ADAM28: variants seen among roughly 807,000 people sequenced by gnomAD.
ADAM28 encodes the protein disintegrin and metalloproteinase domain-containing protein 28.
Under a neutral mutation model 101.2 loss-of-function variants are expected in ADAM28, and 105 were observed. The observed-to-expected ratio is 1.04, with a 90% CI of 0.89 to 1.22. The LOEUF (loss-of-function observed/expected upper bound fraction) is 1.22, where lower values mean the gene tolerates loss of function less well. Among genes scored for constraint, ADAM28 ranks in the 50% most tolerant of loss-of-function variants. The probability of loss-of-function intolerance (pLI) is 0.00; values close to 1 mark genes in which losing one functional copy is unlikely to be tolerated. For missense variants in ADAM28, 1,028 were observed against 945.4 expected, an observed-to-expected ratio of 1.09 and a Z score of -1.15; for synonymous variants, 322 against 310.6, an observed-to-expected ratio of 1.04 and a Z score of -0.39.
At chr8:24,351,388 C>G (rs1190636684) in intron 20 of ADAM28, 78 bp downstream of exon 20, 2 of 1,381,860 alleles carry the variant, frequency 1.4e-6, no homozygotes, top group African/African-American at 2.8e-5. Context: ...GACTACCTAT[C>G]TATCATTTCT....
At chr8:24,295,917 G>C (rs1807899308) in intron 1 of ADAM28, 1 of 152,166 alleles carries the variant, frequency 6.6e-6, no homozygotes, top group South Asian at 2.1e-4. Context: ...CATCATCAAA[G>C]CAATACATAT....
intron 5 of ADAM28, among the ~76,000 whole-genome samples, chr8:24,312,231 A>G (rs1257806648): frequency 2.0e-5 from 3 of 152,136 alleles, no homozygotes; most frequent in Non-Finnish European, 4.4e-5. Flanking sequence ...GATATCTTAA[A>G]GAAACCTCAA....
At chr8:24,300,880 T>G (rs908581579) in intron 2 of ADAM28, 3 of 152,162 alleles carry the variant, frequency 2.0e-5, no homozygotes, top group Non-Finnish European at 4.4e-5. Flanking sequence ...TAACATGAAA[T>G]TTACCTGTCT....
intron 2 of ADAM28, among the ~76,000 whole-genome samples, chr8:24,305,132 G>C (rs929584172): frequency 2.0e-5 from 3 of 150,972 alleles, no homozygotes; most frequent in African/African-American, 4.9e-5. Flanking sequence ...TGGATTTCTT[G>C]CTACTTAAAA....
Position 24,294,085 on chromosome 8 carries a change from G to A in ADAM28, c.-65G>A. 6.4e-7 allele frequency: 1 copy of A among 1,567,864 alleles called. No individual in the cohort carries two copies. The highest frequency in any genetic ancestry group is 8.8e-7 in the Non-Finnish European group (1 of 1,138,210). On this transcript the variant is annotated 5_prime_UTR_variant, in exon 1 of 23. Transcript: ENST00000265769. The stretch of plus-strand genomic sequence containing the variant: ...TTCTGTCTCACTGGAGAGGAGGCAG[G>A]GACAGACCCAGCAGCACCCACCTGA...
At chr8:24,294,697 ATAAT>A (rs1321953193) in intron 1 of ADAM28, among the ~76,000 whole-genome samples, 4 of 152,238 alleles carry the variant, frequency 2.6e-5, no homozygotes, top group Non-Finnish European at 5.9e-5. Context: ...CTAACTGGAA[ATAAT>A]TAATATTTTT....
intron 22 of ADAM28, 79 bp from the exon 23 acceptor site, chr8:24,354,305 C>T: frequency 8.1e-7 from 1 of 1,234,484 alleles, no homozygotes; most frequent in Non-Finnish European, 1.1e-6. Flanking sequence ...ATTTTAATTT[C>T]TTCATAGTTC....
At chr8:24,308,561 T>C (rs1372815385) in intron 2 of ADAM28, 22 of 453,500 alleles carry the variant, frequency 4.9e-5, no homozygotes, top group Non-Finnish European at 8.4e-5. Flanking sequence ...TCATTCTAGC[T>C]AGGCTTTCTT....
intron 10 of ADAM28, 134 bp from the exon 11 acceptor site, chr8:24,329,847 CTGTG>C (rs148363179): frequency 2.4e-4 from 158 of 670,470 alleles, no homozygotes; most frequent in East Asian, 3.4e-4. Context: ...CTCTCTTGCT[CTGTG>C]TGTGTGTGTG....
intron 18 of ADAM28, among the ~76,000 whole-genome samples, chr8:24,346,223 T>C (rs912132022): frequency 6.6e-6 from 1 of 152,128 alleles, no homozygotes; most frequent in Non-Finnish European, 1.5e-5. Flanking sequence ...ATGTATGGCT[T>C]ATAAACCATA....
At chr8:24,325,994 A>G (rs1477281901) in intron 9 of ADAM28, among the ~76,000 whole-genome samples, 2 of 151,602 alleles carry the variant, frequency 1.3e-5, no homozygotes, top group Admixed American at 6.6e-5. Flanking sequence ...AAAATTACCA[A>G]AGACAAAACA....
rs191663643 is a variant in ADAM28, at chr8:24,302,374, T to A, written c.150+2297T>A. 1.1e-4 allele frequency among the ~76,000 whole-genome samples: 17 copies of A among 152,352 alleles called. 1 individual carries two copies. Among genetic ancestry groups the A allele is most frequent in the Admixed American group, 4.6e-4 (7 of 15,298 alleles). On this transcript the variant is annotated intron_variant, in intron 2 of 22. Coordinates refer to ENST00000265769, the MANE Select transcript of ADAM28 (RefSeq NM_014265.6). Reference sequence around the variant, plus strand: ...ATTTGGGTTGATTCCACGTCACTGCTACTGTGAATAGTGCCGCAATGAACA... The same window carrying A: ...ATTTGGGTTGATTCCACGTCACTGCAACTGTGAATAGTGCCGCAATGAACA...
At chr8:24,336,440 G>A (rs1004330776) in intron 14 of ADAM28, among the ~76,000 whole-genome samples, 5 of 151,446 alleles carry the variant, frequency 3.3e-5, no homozygotes, top group Middle Eastern at 3.4e-3. Context: ...AAAATTAGCC[G>A]GGCGTGCTAG....
intron 21 of ADAM28, among the ~76,000 whole-genome samples, chr8:24,352,888 C>T (rs1482645737): frequency 1.3e-5 from 2 of 152,006 alleles, no homozygotes; most frequent in Non-Finnish European, 1.5e-5. Flanking sequence ...TTTTCCACCA[C>T]CGCCAATTCC....
chr8:24,344,278 A>G (rs1563322822), intron 18 of ADAM28, among the ~76,000 whole-genome samples: 1 of 152,134 alleles, frequency 6.6e-6, no homozygotes. Context: ...GCTCATCACC[A>G]CATTTTCTCC....
At chr8:24,319,262 A>G (rs1811561319) in intron 6 of ADAM28, among the ~76,000 whole-genome samples, 1 of 151,852 alleles carries the variant, frequency 6.6e-6, no homozygotes, top group Admixed American at 6.6e-5. Context: ...CCAGCTCTTT[A>G]GAGAATTTCA....
chr8:24,346,171 T>C (rs929494484), intron 18 of ADAM28, among the ~76,000 whole-genome samples: 1 of 152,138 alleles, frequency 6.6e-6, no homozygotes, highest in African/African-American at 2.4e-5. Context: ...TTTATTTTCA[T>C]TAAATTCTAA....
chr8:24,304,526 G>T (rs201352422), intron 2 of ADAM28, among the ~76,000 whole-genome samples: 1 of 152,024 alleles, frequency 6.6e-6, no homozygotes, highest in Non-Finnish European at 1.5e-5. Context: ...TGGGGATAAT[G>T]TATATGAAAA....
chr8:24,352,583 C>T (rs138802924), intron 21 of ADAM28, among the ~76,000 whole-genome samples: 402 of 152,240 alleles, frequency 2.6e-3, no homozygotes, highest in African/African-American at 9.4e-3. Flanking sequence ...CCTCCAAATA[C>T]CATCATTCTG....
Sources: allele counts gnomAD v4.1 joint callset (sites outside exome capture counted in the v4.1 genomes callset), GRCh38; gene constraint gnomAD v4.1.1; transcripts MANE v1.5; gene names NCBI Gene and HGNC (gene_info 2026-07-23, HGNC 2026-07-21).